Variants in EHBP1 observed in about 807,000 individuals in gnomAD.
The protein encoded by EHBP1 is EH domain binding protein 1, also known as EH domain-binding protein 1.
EHBP1 carries 55 observed loss-of-function variants against 144.0 expected under a neutral mutation model. That is an observed-to-expected ratio of 0.38 (90% CI 0.31 to 0.48). EHBP1 has a LOEUF of 0.48. Among genes scored for constraint, EHBP1 ranks in the 20% least tolerant of loss-of-function variants. The probability of loss-of-function intolerance (pLI) is 0.98; values close to 1 mark genes in which losing one functional copy is unlikely to be tolerated. For synonymous variants in EHBP1, 469 were observed against 472.7 expected, an observed-to-expected ratio of 0.99 and a Z score of 0.10; for missense variants, 1,200 against 1,364.2, an observed-to-expected ratio of 0.88 and a Z score of 1.90.
At chr2:62,891,443 A>G (rs1163662999) in intron 10 of EHBP1, among the ~76,000 whole-genome samples, 2 of 152,122 alleles carry the variant, frequency 1.3e-5, no homozygotes, top group Admixed American at 1.3e-4. Flanking sequence ...GAACTTGGAG[A>G]AGAGTCTCAA....
chr2:62,961,581 T>C (rs2058003235), intron 14 of EHBP1, among the ~76,000 whole-genome samples: 1 of 152,228 alleles, frequency 6.6e-6, no homozygotes, highest in Admixed American at 6.5e-5. Flanking sequence ...CTCAGGAGTT[T>C]GGTAGCTTCA....
chr2:62,969,410 G>T (rs1475399395), intron 14 of EHBP1, among the ~76,000 whole-genome samples: 1 of 152,022 alleles, frequency 6.6e-6, no homozygotes, highest in East Asian at 1.9e-4. Flanking sequence ...CAATTAAAAA[G>T]AATACTTGCT....
At chr2:63,020,264 C>T (rs1048843644) in intron 19 of EHBP1, among the ~76,000 whole-genome samples, 8 of 140,732 alleles carry the variant, frequency 5.7e-5, no homozygotes, top group Non-Finnish European at 1.0e-4. Context: ...GTGGAGGTTG[C>T]AGTGAGCCGA....
chr2:62,973,950 G>A lies in EHBP1; in HGVS notation c.2461-5238G>A, dbSNP rs561553484. Among the ~76,000 whole-genome samples, 119 of 152,188 alleles carry A rather than the reference G, an allele frequency of 7.8e-4. 1 individual carries two copies. Among genetic ancestry groups the A allele is most frequent in the African/African-American group, 2.7e-3 (113 of 41,514 alleles). On this transcript the variant is annotated intron_variant, in intron 14 of 22. Transcript: ENST00000431489. ...CTGAGCCTGGGGAGGTCACGGTTGC[G>A]GTTAGCTATGATTGCACCATTGCAC...
intron 19 of EHBP1, among the ~76,000 whole-genome samples, chr2:63,019,677 A>G (rs1487429811): frequency 6.7e-6 from 1 of 149,876 alleles, no homozygotes; most frequent in Non-Finnish European, 1.5e-5. Flanking sequence ...ATTGCACTCC[A>G]GCCTGGGCAA....
At chr2:62,682,396 A>T (rs1319041569) in intron 1 of EHBP1, among the ~76,000 whole-genome samples, 1 of 152,134 alleles carries the variant, frequency 6.6e-6, no homozygotes, top group Non-Finnish European at 1.5e-5. Flanking sequence ...GCTAGGAAGG[A>T]GCTTTTCTAG....
intron 10 of EHBP1, among the ~76,000 whole-genome samples, chr2:62,912,876 A>G (rs558576533): frequency 1.3e-5 from 2 of 152,328 alleles, no homozygotes; most frequent in African/African-American, 4.8e-5. Flanking sequence ...TAGGGTATGC[A>G]TATGATACCT....
chr2:62,751,098 C>G (rs1171734345), intron 3 of EHBP1, among the ~76,000 whole-genome samples: 1 of 152,118 alleles, frequency 6.6e-6, no homozygotes, highest in Non-Finnish European at 1.5e-5. Flanking sequence ...TTTGCCCATT[C>G]AGTATGATAT....
chr2:62,956,812 C>T (rs1395757050), intron 14 of EHBP1, among the ~76,000 whole-genome samples: 2 of 151,916 alleles, frequency 1.3e-5, no homozygotes, highest in Non-Finnish European at 2.9e-5. Flanking sequence ...TGTTTATGTT[C>T]CATGACGTCT....
At chr2:62,935,719 A>G (rs529717679) in intron 10 of EHBP1, among the ~76,000 whole-genome samples, 1 of 152,192 alleles carries the variant, frequency 6.6e-6, no homozygotes, top group South Asian at 2.1e-4. Context: ...CAGCTGGGAC[A>G]TTGTTGAATA....
At chr2:63,025,026 G>GA (rs889094353) in intron 19 of EHBP1, among the ~76,000 whole-genome samples, 1 of 151,844 alleles carries the variant, frequency 6.6e-6, no homozygotes, top group African/African-American at 2.4e-5. Flanking sequence ...TGCCATTCTA[G>GA]AAAAAAGTAC....
intron 10 of EHBP1, among the ~76,000 whole-genome samples, chr2:62,890,615 T>G (rs1424790815): frequency 6.6e-6 from 1 of 152,184 alleles, no homozygotes; most frequent in Admixed American, 6.5e-5. Flanking sequence ...CTGAAGTTAT[T>G]TATTAGCTAA....
intron 19 of EHBP1, among the ~76,000 whole-genome samples, chr2:63,012,967 A>G (rs2060332052): frequency 6.6e-6 from 1 of 152,210 alleles, no homozygotes; most frequent in South Asian, 2.1e-4. Flanking sequence ...TTATGTTTAA[A>G]AAAAGAAGAG....
intron 10 of EHBP1, among the ~76,000 whole-genome samples, chr2:62,931,071 G>A (rs951689594): frequency 1.3e-5 from 2 of 152,138 alleles, no homozygotes; most frequent in Non-Finnish European, 2.9e-5. Context: ...ACAATCAACA[G>A]AGGGAAAATA....
intron 19 of EHBP1, among the ~76,000 whole-genome samples, chr2:63,022,393 C>G (rs1279229727): frequency 6.6e-6 from 1 of 152,162 alleles, no homozygotes; most frequent in African/African-American, 2.4e-5. Flanking sequence ...CAGCTCACTG[C>G]AACCTCCACC....
chr2:63,015,153 C>T (rs1003514995), intron 19 of EHBP1, among the ~76,000 whole-genome samples: 6 of 152,086 alleles, frequency 3.9e-5, no homozygotes, highest in African/African-American at 1.4e-4. Flanking sequence ...ATATACTGTT[C>T]TTTAAATGTT....
At chr2:62,961,729 A>G (rs988218282) in intron 14 of EHBP1, among the ~76,000 whole-genome samples, 3 of 152,094 alleles carry the variant, frequency 2.0e-5, no homozygotes, top group African/African-American at 7.2e-5. Context: ...TTCCCCATAC[A>G]CTTTTCATCC....
intron 9 of EHBP1, 31 bp from the exon 10 acceptor site, chr2:62,874,315 G>C (rs753619742): frequency 6.9e-7 from 1 of 1,446,566 alleles, no homozygotes; most frequent in Non-Finnish European, 9.3e-7. Flanking sequence ...TTTTTTGAGA[G>C]ACATCTAACA....
At chr2:62,917,029 A>G (rs770669253) in intron 10 of EHBP1, among the ~76,000 whole-genome samples, 1 of 152,138 alleles carries the variant, frequency 6.6e-6, no homozygotes, top group African/African-American at 2.4e-5. Flanking sequence ...GCCATTAGGC[A>G]GTTTTGTCAT....
Sources: gnomAD v4.1 joint callset for allele counts (sites outside exome capture counted in the v4.1 genomes callset) on GRCh38, gnomAD v4.1.1 for gene constraint, MANE v1.5 for transcripts, NCBI Gene and HGNC (gene_info 2026-07-23, HGNC 2026-07-21) for gene names.